The following TECR variants were observed in gnomAD, a reference collection of about 807,000 sequenced individuals.
The protein encoded by TECR is trans-2,3-enoyl-CoA reductase.
A neutral mutation model predicts 50.6 loss-of-function variants in TECR; 19 were observed. The ratio of observed to expected loss-of-function variants is 0.38; its 90% confidence interval spans 0.26 to 0.55. TECR has a LOEUF of 0.55. Among genes scored for constraint, TECR ranks in the 20% least tolerant of loss-of-function variants. The probability of loss-of-function intolerance (pLI) is 0.79; values close to 1 mark genes in which losing one functional copy is unlikely to be tolerated. For synonymous variants in TECR, 168 were observed against 163.5 expected, an observed-to-expected ratio of 1.03 and a Z score of -0.21; for missense variants, 313 against 408.3, an observed-to-expected ratio of 0.77 and a Z score of 2.01.
chr19:14,549,002 A>G (rs1417566361), intron 1 of TECR, among the ~76,000 whole-genome samples: 1 of 143,726 alleles, frequency 7.0e-6, no homozygotes, highest in Non-Finnish European at 1.5e-5. Flanking sequence ...CATATCATGA[A>G]ATAGGTTTCT....
intron 1 of TECR, chr19:14,532,011 A>G (rs1218746406): frequency 4.7e-5 from 6 of 126,334 alleles, no homozygotes; most frequent in African/African-American, 2.2e-4. Context: ...TGTTTGAAGA[A>G]AAAAAAAAAA....
intron 1 of TECR, among the ~76,000 whole-genome samples, chr19:14,548,623 G>T (rs2073383111): frequency 6.6e-6 from 1 of 152,102 alleles, no homozygotes; most frequent in Non-Finnish European, 1.5e-5. Flanking sequence ...TGTCGCCCAG[G>T]CTGGAGTGCG....
chr19:14,556,055 C>G (rs1305086569), intron 1 of TECR, among the ~76,000 whole-genome samples: 2 of 152,198 alleles, frequency 1.3e-5, no homozygotes, highest in Non-Finnish European at 2.9e-5. Flanking sequence ...TGCCACTTCA[C>G]TCAGAGTAAA....
At chr19:14,552,646 T>C (rs2073570348) in intron 1 of TECR, among the ~76,000 whole-genome samples, 1 of 151,854 alleles carries the variant, frequency 6.6e-6, no homozygotes, top group Non-Finnish European at 1.5e-5. Flanking sequence ...GCCATTCTCC[T>C]GCCTCAGCCT....
chr19:14,543,957 C>T (rs1380915707), intron 1 of TECR, among the ~76,000 whole-genome samples: 7 of 151,696 alleles, frequency 4.6e-5, no homozygotes, highest in African/African-American at 1.2e-4. Context: ...AGGCAGGTCT[C>T]GAACTCCTGA....
At position 14,564,154 on chromosome 19, in the gene TECR, CCCAGCTGAGCCTGCTCCCCCCGA is replaced by C; in HGVS notation, c.384-22_384del. 6.2e-7 allele frequency: 1 copy of C among 1,606,106 alleles called. No homozygotes were observed. Among genetic ancestry groups the C allele is most frequent in the Non-Finnish European group, 8.5e-7 (1 of 1,179,300 alleles). On this transcript the variant is annotated splice_polypyrimidine_tract_variant and splice_region_variant and intron_variant, in intron 6 of 12. Transcript: ENST00000215567. ...AAGGCAGAAGACCTGCCGGACCAGCCCCAGCTGAGCCTGCTCCCCCCGACCAGCCTCGCCTGCATCTGTCACTC... is the reference window on the plus strand; with the variant it reads ...AAGGCAGAAGACCTGCCGGACCAGCCCCAGCCTCGCCTGCATCTGTCACTC...
intron 1 of TECR, among the ~76,000 whole-genome samples, chr19:14,561,080 C>T (rs1405592700): frequency 2.6e-5 from 4 of 152,142 alleles, no homozygotes; most frequent in African/African-American, 7.2e-5. Flanking sequence ...CTCCCGCTGT[C>T]GTTGGGAATG....
chr19:14,564,260 C>A lies in TECR; in HGVS notation c.462C>A (p.Gly154=), dbSNP rs76484116. The change falls in exon 7 of 13, where the codon GGC becomes GGA. Residue 154 remains glycine (G), a synonymous_variant. Coordinates refer to ENST00000215567, the MANE Select transcript of TECR (RefSeq NM_138501.6). The part of the protein sequence containing the change: ...ETLFVHRFSH[G]TMPLRNIFKN... ...TCTTCGTGCACCGCTTCTCCCATGGCACTATGCCTTTGCGCAACATCTTCA... is the reference window on the plus strand; with the variant it reads ...TCTTCGTGCACCGCTTCTCCCATGGAACTATGCCTTTGCGCAACATCTTCA... The A allele has an allele frequency of 6.4e-3, 10,204 of 1,606,628 alleles. 586 individuals carry two copies. In the African/African-American group the frequency reaches 0.12, roughly 19 times the overall value.
Position 14,548,640 on chromosome 19 carries a change from C to T in TECR, c.16-13885C>T, listed in dbSNP as rs140619610. 3.0e-4 allele frequency among the ~76,000 whole-genome samples: 46 copies of T among 152,114 alleles called. No individual in the cohort carries two copies. The East Asian group carries it at 3.1e-3, about 10-fold the overall frequency. ...TCGCCCAGGCTGGAGTGCGGTGGTG[C>T]GATCTCGACTCACTGCAACCTCCGC... On this transcript the variant is annotated intron_variant, in intron 1 of 12. Transcript: ENST00000215567.
chr19:14,565,037 G>A, intron 9 of TECR, 29 bp from the exon 10 acceptor site: 13 of 1,613,874 alleles, frequency 8.1e-6, no homozygotes, highest in Non-Finnish European at 1.1e-5. Context: ...AGTCTGGGCG[G>A]CCCTAGGCTG....
At position 14,563,189 on chromosome 19, in the gene TECR, G is replaced by C; in HGVS notation, c.67-17G>C. On this transcript the variant is annotated splice_polypyrimidine_tract_variant and intron_variant, in intron 2 of 12. Coordinates refer to ENST00000215567, the MANE Select transcript of TECR (RefSeq NM_138501.6). This position sits in a 1 kb window ranked among gnomAD's most constrained non-coding sequence, Gnocchi z 5.3. ...CTCCCCGCAGAGCTGACGTCCCTGCGCCTGTGCTTCCCCCAGGTGGAGCCC... is the reference window on the plus strand; with the variant it reads ...CTCCCCGCAGAGCTGACGTCCCTGCCCCTGTGCTTCCCCCAGGTGGAGCCC... 3 of 1,613,708 alleles carry C rather than the reference G, an allele frequency of 1.9e-6. No homozygotes were observed. Among genetic ancestry groups the C allele is most frequent in the Non-Finnish European group, 2.5e-6 (3 of 1,179,848 alleles).
In TECR at chr19:14,550,052, T is replaced by C. The variant is rs74528460; in HGVS notation, c.16-12473T>C. On this transcript the variant is annotated intron_variant, in intron 1 of 12. Coordinates refer to ENST00000215567, the MANE Select transcript of TECR (RefSeq NM_138501.6). Reference sequence around the variant, plus strand: ...ATGTCGCACGTCACCTTTGAACATATTACATATAGCGATTTATTTCATTGT... The same window carrying C: ...ATGTCGCACGTCACCTTTGAACATACTACATATAGCGATTTATTTCATTGT... Among the ~76,000 whole-genome samples the C allele has an allele frequency of 7.5e-3, 1,144 of 152,158 alleles. 20 individuals carry two copies. Among genetic ancestry groups the C allele is most frequent in the African/African-American group, 0.026 (1,079 of 41,534 alleles).
At chr19:14,564,122 G>T (rs1232988742) in intron 6 of TECR, 25 bp downstream of exon 6, 1 of 1,608,214 alleles carries the variant, frequency 6.2e-7, no homozygotes, top group East Asian at 2.2e-5. Context: ...TGGGAGGAGG[G>T]TAGGGGAAGG....
chr19:14,552,441 A>G (rs182166941), intron 1 of TECR, among the ~76,000 whole-genome samples: 6 of 152,034 alleles, frequency 3.9e-5, no homozygotes, highest in African/African-American at 1.4e-4. Flanking sequence ...TCACATGGGC[A>G]CTTCCAGGCT....
rs1430906055 is a variant in TECR, at chr19:14,565,485, C to T, written c.754-133C>T. 2.8e-6 allele frequency: 4 copies of T among 1,439,632 alleles called. No individual in the cohort carries two copies. The African/African-American group carries it at 4.2e-5, about 15-fold the overall frequency. The allele number at this position is 1,439,632 out of a possible 1,614,324, so 89.2% of individuals were successfully genotyped here. On this transcript the variant is annotated intron_variant, in intron 11 of 12. Transcript: ENST00000215567. ...GCTGGGCTTCCGCCGTATACAGCCC[C>T]GCCTCCGCTGGAATTGGGTTCCCAT... is the stretch of plus-strand genomic sequence containing the variant.
At chr19:14,537,098 AGG>A (rs993996016) in intron 1 of TECR, among the ~76,000 whole-genome samples, 1 of 112,564 alleles carries the variant, frequency 8.9e-6, no homozygotes, top group Non-Finnish European at 1.8e-5. Flanking sequence ...GAGGAGGAGG[AGG>A]GGGCAGGGCT....
At chr19:14,529,740 G>T (rs1568388927) in intron 1 of TECR, 29 bp downstream of exon 1, 1 of 1,613,974 alleles carries the variant, frequency 6.2e-7, no homozygotes, top group African/African-American at 1.3e-5. Context: ...GGGCCGTGTG[G>T]CCACTGCTGA....
At chr19:14,548,281 T>C (rs1429332422) in intron 1 of TECR, among the ~76,000 whole-genome samples, 2 of 152,048 alleles carry the variant, frequency 1.3e-5, no homozygotes, top group African/African-American at 4.8e-5. Flanking sequence ...TTTCAAACTT[T>C]ACATGTCCAA....
rs530079728 is a variant in TECR, at chr19:14,529,601, C to T, written c.-96C>T. 229 of 1,588,356 alleles carry T rather than the reference C, an allele frequency of 1.4e-4. No homozygotes were observed. The East Asian group carries it at 4.0e-3, about 28-fold the overall frequency. ...GGGCGGACGCAGAGCCGCGTTTAGTCTATCGCTGCGGTTGCGAGCGCTGTA... is the reference window on the plus strand; with the variant it reads ...GGGCGGACGCAGAGCCGCGTTTAGTTTATCGCTGCGGTTGCGAGCGCTGTA... On this transcript the variant is annotated 5_prime_UTR_variant, in exon 1 of 13. Coordinates refer to ENST00000215567, the MANE Select transcript of TECR (RefSeq NM_138501.6).
Sources: allele counts gnomAD v4.1 joint callset (sites outside exome capture counted in the v4.1 genomes callset), GRCh38; gene constraint gnomAD v4.1.1; non-coding constraint Gnocchi (gnomAD v3.1); transcripts MANE v1.5; gene names NCBI Gene and HGNC (gene_info 2026-07-23, HGNC 2026-07-21).